Variants in SNX9 observed in about 807,000 individuals in gnomAD.
The protein encoded by SNX9 is sorting nexin-9.
A neutral mutation model predicts 89.4 loss-of-function variants in SNX9; 44 were observed. The ratio of observed to expected loss-of-function variants is 0.49; its 90% CI spans 0.39 to 0.63. The LOEUF (loss-of-function observed/expected upper bound fraction) is 0.63. Among genes scored for constraint, SNX9 ranks in the 30% least tolerant of loss-of-function variants. SNX9 has a pLI of 0.00. For synonymous variants in SNX9, 236 were observed against 247.8 expected (o/e 0.95, Z 0.45); for missense variants, 578 against 736.1 (o/e 0.79, Z 2.49).
chr6:157,868,398 T>C (rs535085956), intron 2 of SNX9, among the ~76,000 whole-genome samples: 25 of 152,318 alleles, frequency 1.6e-4, no homozygotes, highest in Non-Finnish European at 2.2e-4. Context: ...TATAACTGGG[T>C]TTATTATGCC....
At position 157,928,567 on chromosome 6, in the gene SNX9, C is replaced by T. The variant is rs775127385; in HGVS notation, c.1185-32C>T. ...CCCCACAGCAGTGCTGTTTCTCCTGCTTATGTGACTGACGGCCGCCTTCAC... is the reference window on the plus strand; with the variant it reads ...CCCCACAGCAGTGCTGTTTCTCCTGTTTATGTGACTGACGGCCGCCTTCAC... On this transcript the variant is annotated intron_variant, in intron 11 of 17. Coordinates refer to ENST00000392185, the MANE Select transcript of SNX9 (RefSeq NM_016224.5). 16 of 1,553,130 alleles carry T rather than the reference C, an allele frequency of 1.0e-5. No homozygotes were observed. The South Asian group carries it at 1.9e-4, about 18-fold the overall frequency.
intron 1 of SNX9, among the ~76,000 whole-genome samples, chr6:157,862,881 C>G (rs1338513081): frequency 6.6e-6 from 1 of 152,022 alleles, no homozygotes; most frequent in Non-Finnish European, 1.5e-5. Flanking sequence ...CTTGGACTCT[C>G]TAGGTTGCAA....
intron 10 of SNX9, among the ~76,000 whole-genome samples, chr6:157,926,093 A>C (rs1040201708): frequency 4.6e-5 from 7 of 152,236 alleles, no homozygotes; most frequent in African/African-American, 1.7e-4. Context: ...CCACCTCTTA[A>C]TATTATCACA....
In SNX9 at chr6:157,823,337, C is replaced by T; in HGVS notation, c.-98C>T. On this transcript the variant is annotated 5_prime_UTR_variant, in exon 1 of 18. Coordinates refer to ENST00000392185, the MANE Select transcript of SNX9 (RefSeq NM_016224.5). The surrounding 1 kb of genome is among the most constrained non-coding windows in gnomAD (Gnocchi z 4.6). ...CCGCCGCGCCGGGGCCCAGCCGGAG[C>T]CGCCGCCCTCGCCCTTGCCTTTGCC... 9.1e-7 allele frequency: 1 copy of T among 1,098,966 alleles called. No individual in the cohort carries two copies. The highest frequency in any genetic ancestry group is 1.1e-6 in the Non-Finnish European group (1 of 880,740). 68.1% of individuals were successfully genotyped at this position (1,098,966 alleles called of 1,614,324 possible).
intron 1 of SNX9, among the ~76,000 whole-genome samples, chr6:157,826,794 AT>A (rs1562585833): frequency 3.8e-5 from 4 of 104,510 alleles, no homozygotes; most frequent in African/African-American, 2.1e-4. Context: ...TATTATATAT[AT>A]ATATTATATT....
intron 9 of SNX9, among the ~76,000 whole-genome samples, chr6:157,914,469 CT>C (rs34419515): frequency 2.3e-3 from 173 of 75,114 alleles, no homozygotes; most frequent in Middle Eastern, 0.014. Context: ...TTTTCTTTTT[CT>C]TTTTTTTTTT....
intron 4 of SNX9, among the ~76,000 whole-genome samples, chr6:157,876,012 AT>A (rs1782512357): frequency 6.6e-6 from 1 of 152,096 alleles, no homozygotes. Context: ...AAGAATTAAA[AT>A]ATTGTTAACT....
Position 157,910,061 on chromosome 6 carries a change from TAGAA to T in SNX9, c.949+40_949+43del, listed in dbSNP as rs771170338. On this transcript the variant is annotated intron_variant, in intron 9 of 17. Coordinates refer to ENST00000392185, the MANE Select transcript of SNX9 (RefSeq NM_016224.5). ...GTAATGCTAAACCCAGGATGACAAA[TAGAA>T]AGACTCCAGTCAGATTATCTTCCTG... 11 of 1,483,908 alleles carry T rather than the reference TAGAA, an allele frequency of 7.4e-6. No homozygotes were observed. In the East Asian group the frequency reaches 9.0e-5, roughly 12 times the overall value. The allele number at this position is 1,483,908 out of a possible 1,614,324, so 91.9% of individuals were successfully genotyped here.
intron 9 of SNX9, among the ~76,000 whole-genome samples, chr6:157,917,467 A>C (rs1034151761): frequency 1.3e-5 from 2 of 152,108 alleles, no homozygotes; most frequent in Admixed American, 1.3e-4. Context: ...CATTCTATAA[A>C]GTCTACCTTA....
intron 10 of SNX9, among the ~76,000 whole-genome samples, chr6:157,922,655 C>A (rs1562619465): frequency 2.0e-5 from 3 of 152,150 alleles, no homozygotes. Context: ...CAGTTATTGA[C>A]TATTTCTAGA....
intron 1 of SNX9, among the ~76,000 whole-genome samples, chr6:157,852,490 G>A (rs933378892): frequency 1.3e-5 from 2 of 152,024 alleles, no homozygotes; most frequent in African/African-American, 4.8e-5. Flanking sequence ...GTATCTTAGG[G>A]CATTTGAACT....
At chr6:157,905,515 T>G (rs918236091) in intron 6 of SNX9, among the ~76,000 whole-genome samples, 9 of 152,166 alleles carry the variant, frequency 5.9e-5, no homozygotes, top group African/African-American at 1.9e-4. Flanking sequence ...TATTTAAGTT[T>G]TTGAGTCTTA....
At chr6:157,942,512 G>C (rs937114486) in intron 17 of SNX9, among the ~76,000 whole-genome samples, 1 of 152,256 alleles carries the variant, frequency 6.6e-6, no homozygotes, top group Non-Finnish European at 1.5e-5. Flanking sequence ...AGGAAAAGCA[G>C]GTGGTCTGGA....
At position 157,868,369 on chromosome 6, in the gene SNX9, A is replaced by T. The variant is rs1054310249; in HGVS notation, c.99+736A>T. The stretch of plus-strand genomic sequence containing the variant: ...TGTACACATAGATACACTCATCTTC[A>T]GATGTGTGTCTCTGCTTATATAACT... On this transcript the variant is annotated intron_variant, in intron 2 of 17. Coordinates refer to ENST00000392185, the MANE Select transcript of SNX9 (RefSeq NM_016224.5). Among the ~76,000 whole-genome samples, 11 of 152,348 alleles carry T rather than the reference A, an allele frequency of 7.2e-5. No homozygotes were observed. In the South Asian group the frequency reaches 2.3e-3, roughly 32 times the overall value.
chr6:157,873,012 T>G (rs1782445512), intron 2 of SNX9, 90 bp from the exon 3 acceptor site: 1 of 979,016 alleles, frequency 1.0e-6, no homozygotes, highest in Non-Finnish European at 1.4e-6. Context: ...ATTGCTTTTT[T>G]TATGTATAAC....
rs1783915003 is a variant in SNX9 at position 157,935,949 on chromosome 6, A to AC, written c.1367-15_1367-14insC. On this transcript the variant is annotated splice_polypyrimidine_tract_variant and intron_variant, in intron 13 of 17. Transcript: ENST00000392185. Reference sequence around the variant, plus strand: ...TGCATAACTTATAACCACTGATAAAATTGATCATTTTCAGGTGAAACAGAT... The same window carrying AC: ...TGCATAACTTATAACCACTGATAAAACTTGATCATTTTCAGGTGAAACAGAT... 6.3e-7 allele frequency: 1 copy of AC among 1,594,532 alleles called. No individual in the cohort carries two copies. The highest frequency in any genetic ancestry group is 8.5e-7 in the Non-Finnish European group (1 of 1,170,124).
In SNX9 at chr6:157,938,737, C is replaced by T. The variant is rs539420090; in HGVS notation, c.1638C>T (p.Tyr546=). 45 of 1,613,060 alleles carry T rather than the reference C, an allele frequency of 2.8e-5. No individual in the cohort carries two copies. Among genetic ancestry groups the T allele is most frequent in the Admixed American group, 6.7e-5 (4 of 59,930 alleles). ...NMVKRVSIMS[Y]ALQAEMNHFH... ...TGAAGAGAGTCAGCATCATGTCTTA[C>T]GCGTTGCAAGGTAAGATGAAAGGGT... Residue 546 remains tyrosine, a synonymous_variant, in exon 16 of 18, where the codon TAC becomes TAT. Transcript: ENST00000392185.
chr6:157,912,022 C>T (rs1783357268), intron 9 of SNX9, among the ~76,000 whole-genome samples: 1 of 152,142 alleles, frequency 6.6e-6, no homozygotes, highest in Admixed American at 6.5e-5. Flanking sequence ...CTGCCTTCTG[C>T]CCAGAGGCAC....
intron 1 of SNX9, among the ~76,000 whole-genome samples, chr6:157,852,710 A>G (rs1263860317): frequency 6.6e-6 from 1 of 151,996 alleles, no homozygotes; most frequent in Non-Finnish European, 1.5e-5. Flanking sequence ...CCAAGTAGCT[A>G]GGACTACAGA....
Sources: gnomAD v4.1 joint callset for allele counts (sites outside exome capture counted in the v4.1 genomes callset) on GRCh38, gnomAD v4.1.1 for gene constraint, Gnocchi (gnomAD v3.1) non-coding constraint, MANE v1.5 for transcripts, NCBI Gene and HGNC (gene_info 2026-07-23, HGNC 2026-07-21) for gene names.